The following TNS3 variants were observed in gnomAD, a reference collection of about 807,000 sequenced individuals.
TNS3 encodes tensin 3.
A neutral mutation model predicts 140.9 loss-of-function variants in TNS3; 45 were observed. The ratio of observed to expected loss-of-function variants is 0.32; its 90% CI spans 0.25 to 0.41. TNS3 has a LOEUF of 0.41. Among genes scored for constraint, TNS3 ranks in the 10% least tolerant of loss-of-function variants. TNS3 has a pLI of 1.00. For missense variants in TNS3, 1,716 were observed against 1,906.7 expected, an observed-to-expected ratio of 0.90 and a Z score of 1.86; for synonymous variants, 815 against 788.4, an observed-to-expected ratio of 1.03 and a Z score of -0.56.
At chr7:47,526,752 G>C (rs1799207460) in intron 2 of TNS3, among the ~76,000 whole-genome samples, 1 of 152,230 alleles carries the variant, frequency 6.6e-6, no homozygotes, top group Non-Finnish European at 1.5e-5. Context: ...GCTCATGACA[G>C]CTCTCCCAGT....
intron 1 of TNS3, chr7:47,557,217 C>A: frequency 2.2e-6 from 1 of 447,330 alleles, no homozygotes; most frequent in Non-Finnish European, 4.5e-6. Flanking sequence ...TTACAAGCGT[C>A]CTACGTAAGG....
chr7:47,369,586 A>G lies in TNS3; in HGVS notation c.1060T>C (p.Tyr354His), dbSNP rs1790934671. Reference protein sequence around the residue: ...HTQGPVDGSLYAKVRKKSSSD... With the variant: ...HTQGPVDGSLHAKVRKKSSSD... Reference sequence around the variant, plus strand: ...GAGCTTTTCTTCCTCACCTTCGCGTAAAGGCTGCCATCGACAGGGCCCTGC... The same window carrying G: ...GAGCTTTTCTTCCTCACCTTCGCGTGAAGGCTGCCATCGACAGGGCCCTGC... The change falls in exon 17 of 31, where the codon TAC (tyrosine) becomes CAC (histidine). Residue 354 changes from tyrosine to histidine, a missense_variant. This residue lies in a region of TNS3 where 1,163 missense variants were observed against 1,182.1 expected (regional missense o/e 0.98). Transcript: ENST00000311160. 6.2e-7 allele frequency: 1 copy of G among 1,602,348 alleles called. No individual in the cohort carries two copies. The highest frequency in any genetic ancestry group is 1.1e-5 in the South Asian group (1 of 89,038).
chr7:47,350,326 T>A, intron 17 of TNS3, among the ~76,000 whole-genome samples: 1 of 152,228 alleles, frequency 6.6e-6, no homozygotes, highest in South Asian at 2.1e-4. Context: ...GTCTCTCGTG[T>A]GAATTTCAGA....
At chr7:47,456,207 G>A (rs572516324) in intron 4 of TNS3, among the ~76,000 whole-genome samples, 2 of 152,300 alleles carry the variant, frequency 1.3e-5, no homozygotes, top group South Asian at 4.1e-4. Context: ...GACCTCATCT[G>A]TTAGTGGCAT....
intron 3 of TNS3, 48 bp from the exon 4 acceptor site, chr7:47,481,189 A>T: frequency 7.9e-7 from 1 of 1,271,650 alleles, no homozygotes. Context: ...CTCCAGGAAA[A>T]AATTAGCATA....
intron 17 of TNS3, 59 bp downstream of exon 17, chr7:47,368,306 C>T (rs971288874): frequency 1.3e-4 from 188 of 1,407,386 alleles, no homozygotes; most frequent in Non-Finnish European, 1.4e-4. Flanking sequence ...TTTCTCATCA[C>T]ACATTAGCCT....
intron 16 of TNS3, among the ~76,000 whole-genome samples, chr7:47,370,328 C>T (rs2462626): frequency 2.0e-5 from 3 of 151,976 alleles, no homozygotes; most frequent in South Asian, 2.1e-4. Context: ...AATGTCAATA[C>T]GAAATTCAAT....
At chr7:47,355,303 C>T (rs1001590675) in intron 17 of TNS3, among the ~76,000 whole-genome samples, 16 of 152,314 alleles carry the variant, frequency 1.1e-4, no homozygotes, top group Middle Eastern at 3.4e-3. Flanking sequence ...GGCCTCAGCC[C>T]CAGGTGCATC....
At chr7:47,526,780 C>G (rs1799208744) in intron 2 of TNS3, among the ~76,000 whole-genome samples, 2 of 152,190 alleles carry the variant, frequency 1.3e-5, no homozygotes, top group Admixed American at 1.3e-4. Context: ...AATGGCTCCG[C>G]TGGCACAGGA....
intron 3 of TNS3, among the ~76,000 whole-genome samples, chr7:47,499,931 C>T (rs1231065158): frequency 3.3e-5 from 5 of 152,114 alleles, no homozygotes; most frequent in African/African-American, 1.2e-4. Context: ...GAGTGTGTGT[C>T]TCTGTGCGTG....
chr7:47,481,783 G>A (rs1405838927), intron 3 of TNS3: 1 of 856,612 alleles, frequency 1.2e-6, no homozygotes, highest in African/African-American at 1.8e-5. Flanking sequence ...ACAGTCAGGA[G>A]AGGCAGTTAG....
At chr7:47,473,122 T>C (rs370069390) in intron 4 of TNS3, among the ~76,000 whole-genome samples, 9 of 152,206 alleles carry the variant, frequency 5.9e-5, no homozygotes, top group African/African-American at 1.7e-4. Context: ...GAATGCTGTA[T>C]GCACAGGCTA....
chr7:47,424,081 C>T lies in TNS3; in HGVS notation c.473+20G>A. On this transcript the variant is annotated intron_variant, in intron 10 of 30. Transcript: ENST00000311160. ...AATTTCATTCACCTCTTCACTCTGG[C>T]TTTGGGGATCTATACATACCGTTTT... is the stretch of plus-strand genomic sequence containing the variant. 6.2e-7 allele frequency: 1 copy of T among 1,613,160 alleles called. No homozygotes were observed. Among genetic ancestry groups the T allele is most frequent in the Non-Finnish European group, 8.5e-7 (1 of 1,179,216 alleles).
intron 20 of TNS3, among the ~76,000 whole-genome samples, chr7:47,321,518 AT>A (rs1324054648): frequency 6.6e-6 from 1 of 152,182 alleles, no homozygotes; most frequent in Non-Finnish European, 1.5e-5. Flanking sequence ...AGCTTTGAAC[AT>A]GCTATAATTG....
At chr7:47,395,477 A>C (rs1236427288) in intron 16 of TNS3, among the ~76,000 whole-genome samples, 2 of 152,248 alleles carry the variant, frequency 1.3e-5, no homozygotes, top group African/African-American at 4.8e-5. Context: ...CGTTACTGGA[A>C]AAAGAGCTCT....
chr7:47,488,742 C>A (rs1488705405), intron 3 of TNS3, among the ~76,000 whole-genome samples: 1 of 152,208 alleles, frequency 6.6e-6, no homozygotes, highest in East Asian at 1.9e-4. Context: ...CGGGTGGAGA[C>A]GTCAGGTCGA....
At chr7:47,548,004 G>A (rs1051437173) in intron 1 of TNS3, among the ~76,000 whole-genome samples, 7 of 152,170 alleles carry the variant, frequency 4.6e-5, no homozygotes, top group South Asian at 2.1e-4. Flanking sequence ...AGGTGCAGAC[G>A]TTTCTCCTGT....
At chr7:47,477,234 C>G (rs1797230761) in intron 4 of TNS3, among the ~76,000 whole-genome samples, 1 of 152,186 alleles carries the variant, frequency 6.6e-6, no homozygotes. Context: ...AACAATCATG[C>G]CCTCAGCCAG....
At chr7:47,340,111 A>AT (rs1226567915) in intron 20 of TNS3, among the ~76,000 whole-genome samples, 1,000 of 42,226 alleles carry the variant, frequency 0.024, 58 homozygotes, top group Non-Finnish European at 0.034. Context: ...ATATATATAT[A>AT]TATATTTTTT....
Sources: gnomAD v4.1 joint callset for allele counts (sites outside exome capture counted in the v4.1 genomes callset) on GRCh38, gnomAD v4.1.1 for gene constraint, gnomAD v4.1.1 regional missense constraint, MANE v1.5 for transcripts, NCBI Gene and HGNC (gene_info 2026-07-23, HGNC 2026-07-21) for gene names.